The following CTNNA3 variants were observed in gnomAD, a reference collection of about 807,000 sequenced individuals.
CTNNA3 encodes catenin alpha 3.
Under a neutral mutation model 95.7 loss-of-function variants are expected in CTNNA3, and 76 were observed. That is an observed-to-expected ratio of 0.79 (90% CI 0.66 to 0.96). The LOEUF (loss-of-function observed/expected upper bound fraction) is 0.96, where lower values mean the gene tolerates loss of function less well. Ranked by LOEUF, CTNNA3 falls within the 40% of genes least tolerant of loss-of-function variation. CTNNA3 has a pLI of 0.00. For synonymous variants in CTNNA3, 431 were observed against 374.4 expected (o/e 1.15, Z -1.74); for missense variants, 1,191 against 1,089.8 (o/e 1.09, Z -1.31).
intron 15 of CTNNA3, among the ~76,000 whole-genome samples, chr10:66,061,710 G>A (rs1209054300): frequency 6.6e-6 from 1 of 151,378 alleles, no homozygotes; most frequent in Non-Finnish European, 1.5e-5. Context: ...CTACCTGCTG[G>A]CCTCCATTCT....
intron 5 of CTNNA3, among the ~76,000 whole-genome samples, chr10:67,414,228 A>G (rs1845470301): frequency 6.6e-6 from 1 of 151,942 alleles, no homozygotes; most frequent in South Asian, 2.1e-4. Flanking sequence ...CAAATAAGCA[A>G]AATCAGAAAC....
chr10:66,816,926 T>C (rs1042488273), intron 7 of CTNNA3, among the ~76,000 whole-genome samples: 15 of 151,978 alleles, frequency 9.9e-5, no homozygotes, highest in African/African-American at 3.1e-4. Flanking sequence ...AAATTGCCAG[T>C]TGGACAAGAA....
chr10:67,306,687 A>G (rs1391390610), intron 5 of CTNNA3, among the ~76,000 whole-genome samples: 2 of 152,152 alleles, frequency 1.3e-5, no homozygotes, highest in East Asian at 1.9e-4. Flanking sequence ...TTTCTTCTCC[A>G]TCAGTCTCCC....
chr10:67,289,390 A>T (rs1267210362), intron 5 of CTNNA3, among the ~76,000 whole-genome samples: 2 of 152,186 alleles, frequency 1.3e-5, no homozygotes, highest in African/African-American at 4.8e-5. Flanking sequence ...AAATCCTCAA[A>T]AAAGGCATTA....
At chr10:67,285,706 T>A (rs1839570169) in intron 5 of CTNNA3, among the ~76,000 whole-genome samples, 1 of 152,248 alleles carries the variant, frequency 6.6e-6, no homozygotes, top group African/African-American at 2.4e-5. Flanking sequence ...ACTGACTCAA[T>A]TATTTAAAAT....
intron 5 of CTNNA3, among the ~76,000 whole-genome samples, chr10:67,378,526 G>T (rs1039641744): frequency 6.6e-6 from 1 of 152,086 alleles, no homozygotes; most frequent in Non-Finnish European, 1.5e-5. Context: ...ACATTTTGTG[G>T]TCATCTTCTT....
intron 5 of CTNNA3, among the ~76,000 whole-genome samples, chr10:67,239,237 A>C (rs1383569459): frequency 6.6e-6 from 1 of 152,124 alleles, no homozygotes; most frequent in African/African-American, 2.4e-5. Flanking sequence ...ATACACACAT[A>C]TGGAAATATG....
At chr10:66,154,569 T>G (rs1311203340) in intron 13 of CTNNA3, among the ~76,000 whole-genome samples, 1 of 151,140 alleles carries the variant, frequency 6.6e-6, no homozygotes, top group Non-Finnish European at 1.5e-5. Flanking sequence ...AATGGCAACA[T>G]TTTCCCATTT....
At chr10:67,654,402 TG>T (rs1839962329) in intron 1 of CTNNA3, among the ~76,000 whole-genome samples, 1 of 152,126 alleles carries the variant, frequency 6.6e-6, no homozygotes, top group Non-Finnish European at 1.5e-5. Flanking sequence ...TATCACCAAG[TG>T]GTCAGATTTG....
At chr10:66,590,409 C>T (rs1366857536) in intron 10 of CTNNA3, among the ~76,000 whole-genome samples, 2 of 152,048 alleles carry the variant, frequency 1.3e-5, no homozygotes, top group African/African-American at 4.8e-5. Context: ...TGGCAAAATA[C>T]ATGTTACATA....
chr10:67,010,678 A>G (rs1034893517), intron 7 of CTNNA3, among the ~76,000 whole-genome samples: 1 of 152,184 alleles, frequency 6.6e-6, no homozygotes, highest in Non-Finnish European at 1.5e-5. Context: ...GAATTTTCCA[A>G]TGCTTTTGTA....
chr10:67,120,327 T>G (rs1859396623), intron 7 of CTNNA3, among the ~76,000 whole-genome samples: 1 of 151,896 alleles, frequency 6.6e-6, no homozygotes, highest in African/African-American at 2.4e-5. Flanking sequence ...AACCATCTTA[T>G]CCAAACTACA....
chr10:66,879,530 T>C (rs1306210467), intron 7 of CTNNA3, among the ~76,000 whole-genome samples: 2 of 152,122 alleles, frequency 1.3e-5, no homozygotes, highest in Non-Finnish European at 2.9e-5. Flanking sequence ...GTATTTAGCA[T>C]CTTCCAGAGA....
chr10:66,718,825 AT>A (rs1248527559), intron 9 of CTNNA3, among the ~76,000 whole-genome samples: 1 of 152,158 alleles, frequency 6.6e-6, no homozygotes, highest in Non-Finnish European at 1.5e-5. Flanking sequence ...GATTAACACC[AT>A]TTTAACAATT....
intron 1 of CTNNA3, among the ~76,000 whole-genome samples, chr10:67,660,337 C>T (rs1374404695): frequency 6.6e-6 from 1 of 152,088 alleles, no homozygotes; most frequent in Non-Finnish European, 1.5e-5. Context: ...TGCTTCTCCC[C>T]AACAATTTAG....
At chr10:66,157,779 C>T (rs779380033) in intron 13 of CTNNA3, among the ~76,000 whole-genome samples, 16 of 151,946 alleles carry the variant, frequency 1.1e-4, no homozygotes, top group Non-Finnish European at 2.1e-4. Context: ...AGTTTACATT[C>T]CCGCCTGCAG....
chr10:67,353,922 T>C (rs1454400036), intron 5 of CTNNA3, among the ~76,000 whole-genome samples: 1 of 152,022 alleles, frequency 6.6e-6, no homozygotes, highest in Non-Finnish European at 1.5e-5. Context: ...ATGTCTCTAA[T>C]GAAGAGACCG....
intron 5 of CTNNA3, among the ~76,000 whole-genome samples, chr10:67,398,975 C>T (rs1166468515): frequency 1.3e-5 from 2 of 152,118 alleles, no homozygotes; most frequent in Non-Finnish European, 2.9e-5. Flanking sequence ...ATTACCCAGT[C>T]TCAGATATGT....
intron 13 of CTNNA3, among the ~76,000 whole-genome samples, chr10:66,256,850 G>A (rs1273096105): frequency 6.6e-6 from 1 of 152,102 alleles, no homozygotes; most frequent in Admixed American, 6.5e-5. Flanking sequence ...TAACAGAATG[G>A]GGACCTGTTA....
Sources: gnomAD v4.1 joint callset for allele counts (sites outside exome capture counted in the v4.1 genomes callset) on GRCh38, gnomAD v4.1.1 for gene constraint, MANE v1.5 for transcripts, NCBI Gene and HGNC (gene_info 2026-07-23, HGNC 2026-07-21) for gene names.